The following SPTLC3 variants were observed in gnomAD, a reference collection of about 807,000 sequenced individuals.
The protein encoded by SPTLC3 is serine palmitoyltransferase long chain base subunit 3.
SPTLC3 carries 36 observed loss-of-function variants against 59.3 expected under a neutral mutation model. The ratio of observed to expected loss-of-function variants is 0.61; its 90% CI spans 0.47 to 0.80. The LOEUF (loss-of-function observed/expected upper bound fraction) is 0.80, where lower values mean the gene tolerates loss of function less well. Among genes scored for constraint, SPTLC3 ranks in the 30% least tolerant of loss-of-function variants. The pLI is 0.00. For synonymous variants in SPTLC3, 257 were observed against 240.8 expected (o/e 1.07, Z -0.62); for missense variants, 625 against 685.1 (o/e 0.91, Z 0.98).
intron 11 of SPTLC3, among the ~76,000 whole-genome samples, chr20:13,161,838 A>G (rs2038902192): frequency 6.6e-6 from 1 of 152,246 alleles, no homozygotes; most frequent in Admixed American, 6.5e-5. Context: ...ACACACGCAC[A>G]CACACACAGA....
intron 1 of SPTLC3, among the ~76,000 whole-genome samples, chr20:13,022,182 G>A (rs766538893): frequency 2.6e-5 from 4 of 152,124 alleles, no homozygotes; most frequent in Non-Finnish European, 5.9e-5. Context: ...TGCCATTCGT[G>A]ACTTTTCTCC....
chr20:13,026,527 T>C (rs913780699), intron 1 of SPTLC3, among the ~76,000 whole-genome samples: 3 of 152,204 alleles, frequency 2.0e-5, no homozygotes, highest in Non-Finnish European at 4.4e-5. Flanking sequence ...TGTCTTCTTT[T>C]GAGAAGTGTC....
chr20:13,015,029 T>G (rs1985455781), intron 1 of SPTLC3, among the ~76,000 whole-genome samples: 1 of 152,144 alleles, frequency 6.6e-6, no homozygotes, highest in East Asian at 1.9e-4. Flanking sequence ...GAGAAGGGAA[T>G]TAGCATGATC....
At chr20:13,032,961 T>C (rs1189135737) in intron 1 of SPTLC3, among the ~76,000 whole-genome samples, 1 of 152,192 alleles carries the variant, frequency 6.6e-6, no homozygotes, top group African/African-American at 2.4e-5. Flanking sequence ...TCCATATTTG[T>C]AACTTATCAC....
chr20:13,036,177 G>GAC (rs1986726529), intron 1 of SPTLC3, among the ~76,000 whole-genome samples: 1 of 152,078 alleles, frequency 6.6e-6, no homozygotes, highest in Non-Finnish European at 1.5e-5. Context: ...TGCTAAAAGT[G>GAC]CATAATCTAT....
chr20:13,055,199 G>A (rs906712497), intron 2 of SPTLC3, among the ~76,000 whole-genome samples: 4 of 151,862 alleles, frequency 2.6e-5, no homozygotes, highest in Non-Finnish European at 4.4e-5. Context: ...GGTTCTGTTG[G>A]CAAAATGGTG....
intron 9 of SPTLC3, among the ~76,000 whole-genome samples, chr20:13,142,489 C>T (rs1452913622): frequency 6.6e-6 from 1 of 152,194 alleles, no homozygotes; most frequent in Non-Finnish European, 1.5e-5. Context: ...CTTCCTACAG[C>T]TGGGGAGGAT....
chr20:13,074,087 G>A (rs1428134199), intron 3 of SPTLC3: 2 of 665,478 alleles, frequency 3.0e-6, no homozygotes, highest in Non-Finnish European at 5.7e-6. Flanking sequence ...CTACCTGGCT[G>A]TTCATCCTTT....
intron 3 of SPTLC3, chr20:13,074,047 C>A: frequency 3.1e-6 from 2 of 642,242 alleles, no homozygotes; most frequent in South Asian, 2.8e-5. Flanking sequence ...TGTGGCAGGT[C>A]CAAGTTGGAG....
At chr20:13,143,882 G>A (rs578061845) in intron 9 of SPTLC3, among the ~76,000 whole-genome samples, 7 of 152,122 alleles carry the variant, frequency 4.6e-5, no homozygotes, top group East Asian at 1.9e-4. Flanking sequence ...ACAGCTCCTC[G>A]CCCATTTCAG....
intron 1 of SPTLC3, among the ~76,000 whole-genome samples, chr20:13,016,637 C>A (rs1436036511): frequency 1.3e-5 from 2 of 152,024 alleles, no homozygotes; most frequent in Admixed American, 6.6e-5. Flanking sequence ...GGCTTAGAGA[C>A]CTTTATTTAA....
At chr20:13,078,408 T>A (rs1051221586) in intron 4 of SPTLC3, among the ~76,000 whole-genome samples, 2 of 151,478 alleles carry the variant, frequency 1.3e-5, no homozygotes, top group African/African-American at 4.8e-5. Context: ...TTTATAAAAT[T>A]CATTATCCAT....
intron 2 of SPTLC3, among the ~76,000 whole-genome samples, chr20:13,058,953 A>C (rs1987838114): frequency 6.6e-6 from 1 of 152,254 alleles, no homozygotes; most frequent in African/African-American, 2.4e-5. Flanking sequence ...TAATGTCCCA[A>C]AGAACCAACC....
intron 1 of SPTLC3, among the ~76,000 whole-genome samples, chr20:13,034,359 G>A (rs1986636042): frequency 6.6e-6 from 1 of 152,106 alleles, no homozygotes; most frequent in Admixed American, 6.6e-5. Flanking sequence ...TGAGGAATAA[G>A]AAAGATATTG....
At chr20:13,036,373 C>T (rs2122453351) in intron 1 of SPTLC3, among the ~76,000 whole-genome samples, 1 of 152,108 alleles carries the variant, frequency 6.6e-6, no homozygotes, top group Middle Eastern at 3.4e-3. Flanking sequence ...TCCTCCTCCT[C>T]AGCCTACTTA....
chr20:13,118,448 G>GAAAAA lies in SPTLC3; in HGVS notation c.1152+723_1152+724insAAAAA, dbSNP rs376312661. ...GTGCCAATATCACCAAGAGGTTTGT[G>GAAAAA]GAAAAAAAAAACAAAAAAAAACAAT... On this transcript the variant is annotated intron_variant, in intron 8 of 11. Coordinates refer to ENST00000399002, the MANE Select transcript of SPTLC3 (RefSeq NM_018327.4). 1.5e-3 allele frequency among the ~76,000 whole-genome samples: 163 copies of GAAAAA among 108,624 alleles called. 10 individuals carry two copies. The highest frequency in any genetic ancestry group is 3.6e-3 in the Admixed American group (33 of 9,124). The allele number at this position is 108,624 out of a possible 152,430, so 71.3% of individuals were successfully genotyped here. A position where few individuals can be genotyped will look rare whatever the true frequency, so the allele number is the denominator to read the frequency against.
At chr20:13,071,267 T>A (rs1164602010) in intron 2 of SPTLC3, among the ~76,000 whole-genome samples, 1 of 152,208 alleles carries the variant, frequency 6.6e-6, no homozygotes, top group East Asian at 1.9e-4. Context: ...ATCATTCTAT[T>A]TACAGCATTC....
At position 13,050,429 on chromosome 20, in the gene SPTLC3, G is replaced by A. The variant is rs908125601; in HGVS notation, c.303+1299G>A. ...TATGAACAAAGCCTCCAAGAAGTCT[G>A]GGATTATGTTAAACAACCAAACCTA... On this transcript the variant is annotated intron_variant, in intron 2 of 11. Transcript: ENST00000399002. The A allele has an allele frequency of 3.3e-5, 5 of 152,108 alleles. 1 individual carries two copies. The highest frequency in any genetic ancestry group is 3.3e-4 in the Admixed American group (5 of 15,268). 9.4% of individuals were successfully genotyped at this position (152,108 alleles called of 1,614,324 possible).
At chr20:13,155,842 A>G (rs1353447308) in intron 10 of SPTLC3, among the ~76,000 whole-genome samples, 1 of 152,212 alleles carries the variant, frequency 6.6e-6, no homozygotes, top group South Asian at 2.1e-4. Flanking sequence ...TAATAATAAT[A>G]ATAAGTTTTT....
Sources: allele counts gnomAD v4.1 joint callset (sites outside exome capture counted in the v4.1 genomes callset), GRCh38; gene constraint gnomAD v4.1.1; transcripts MANE v1.5; gene names NCBI Gene and HGNC (gene_info 2026-07-23, HGNC 2026-07-21).